The following MMS22L variants were observed in gnomAD, a reference collection of about 807,000 sequenced individuals.
The protein encoded by MMS22L is protein MMS22-like.
In MMS22L, 74 loss-of-function variants were observed where a neutral mutation model predicts 159.1. That is an observed-to-expected ratio of 0.47 (90% confidence interval 0.39 to 0.56). The LOEUF is 0.56. MMS22L is among the 20% of genes least tolerant of loss of function. The pLI is 0.00. For missense variants in MMS22L, 1,351 were observed against 1,422.1 expected (o/e 0.95, Z 0.80); for synonymous variants, 517 against 506.9 (o/e 1.02, Z -0.27).
In MMS22L at chr6:97,204,590, G is replaced by A. The variant is rs540287878; in HGVS notation, c.2040-17900C>T. On this transcript the variant is annotated intron_variant, in intron 14 of 24. Transcript: ENST00000683635. ...GAGGATCACTTGAGCCCAGGAGTTCGAGACTAGCCTGGGCAATAAGTGAGA... is the reference window on the plus strand; with the variant it reads ...GAGGATCACTTGAGCCCAGGAGTTCAAGACTAGCCTGGGCAATAAGTGAGA... 2.2e-4 allele frequency among the ~76,000 whole-genome samples: 33 copies of A among 152,132 alleles called. 1 individual carries two copies. In the South Asian group the frequency reaches 5.0e-3, roughly 23 times the overall value.
chr6:97,224,459 G>A lies in MMS22L; in HGVS notation c.2039+4435C>T, dbSNP rs377613921. Among the ~76,000 whole-genome samples, 138 of 151,660 alleles carry A rather than the reference G, an allele frequency of 9.1e-4. 7 individuals carry two copies. The South Asian group carries it at 0.028, about 31-fold the overall frequency. ...TTTATTGCAAGAAGTGAAATTTAGA[G>A]GGTTGGAATAGTACTAAAAAAATCA... On this transcript the variant is annotated intron_variant, in intron 14 of 24. Coordinates refer to ENST00000683635, the MANE Select transcript of MMS22L (RefSeq NM_001350599.2).
rs1437639377 is a variant in MMS22L, at chr6:97,145,794, G to A, written c.*1012C>T. The stretch of plus-strand genomic sequence containing the variant: ...GCAAAGCTGAGTTTGAGACCCAGGT[G>A]GGTTCCCAAAACTAGGACTGGAGCT... On this transcript the variant is annotated 3_prime_UTR_variant, in exon 25 of 25. Coordinates refer to ENST00000683635, the MANE Select transcript of MMS22L (RefSeq NM_001350599.2). 6.6e-6 allele frequency: 1 copy of A among 152,116 alleles called. No individual in the cohort carries two copies. The highest frequency in any genetic ancestry group is 2.1e-4 in the South Asian group (1 of 4,838). 9.4% of individuals were successfully genotyped at this position (152,116 alleles called of 1,614,324 possible). A position where few individuals can be genotyped will look rare whatever the true frequency, so the allele number is the denominator to read the frequency against.
intron 11 of MMS22L, among the ~76,000 whole-genome samples, chr6:97,246,376 A>C (rs1324159755): frequency 6.6e-6 from 1 of 152,226 alleles, no homozygotes; most frequent in Non-Finnish European, 1.5e-5. Context: ...ACAGTTCTGA[A>C]GCATCTACCA....
chr6:97,204,027 T>C (rs1807475678), intron 14 of MMS22L, among the ~76,000 whole-genome samples: 1 of 152,192 alleles, frequency 6.6e-6, no homozygotes. Context: ...ATACTTTCCA[T>C]GTTCAATGAC....
chr6:97,228,079 A>T (rs1405533186), intron 14 of MMS22L, among the ~76,000 whole-genome samples: 1 of 152,232 alleles, frequency 6.6e-6, no homozygotes, highest in Non-Finnish European at 1.5e-5. Flanking sequence ...AAATTTAAAG[A>T]AAGTCACTTT....
rs80165687 is a variant in MMS22L at position 97,144,716 on chromosome 6, G to C, written c.*2090C>G. 1 of 151,856 alleles carries C rather than the reference G, an allele frequency of 6.6e-6. No homozygotes were observed. Among genetic ancestry groups the C allele is most frequent in the East Asian group, 1.9e-4 (1 of 5,174 alleles). 9.4% of individuals were successfully genotyped at this position (151,856 alleles called of 1,614,324 possible). A position where few individuals can be genotyped will look rare whatever the true frequency, so the allele number is the denominator to read the frequency against. On this transcript the variant is annotated 3_prime_UTR_variant, in exon 25 of 25. Transcript: ENST00000683635. Reference sequence around the variant, plus strand: ...AAAGAGGGCAAGATTGTAGTAATAAGTGAAGGATCAGTGAAGATTTTAAAA... The same window carrying C: ...AAAGAGGGCAAGATTGTAGTAATAACTGAAGGATCAGTGAAGATTTTAAAA...
chr6:97,241,037 A>G (rs1412413270), intron 11 of MMS22L, among the ~76,000 whole-genome samples: 1 of 152,156 alleles, frequency 6.6e-6, no homozygotes, highest in Admixed American at 6.5e-5. Context: ...GCTTACCTCC[A>G]AGTTAAAAAC....
chr6:97,241,827 G>T (rs970955650), intron 11 of MMS22L, among the ~76,000 whole-genome samples: 3 of 152,078 alleles, frequency 2.0e-5, no homozygotes, highest in African/African-American at 7.2e-5. Flanking sequence ...CAGTTCAAAG[G>T]ATTTTTAAAT....
At chr6:97,259,342 T>G (rs1814189725) in intron 9 of MMS22L, 2 of 152,114 alleles carry the variant, frequency 1.3e-5, no homozygotes, top group Non-Finnish European at 2.9e-5. Context: ...TTATTCTGAG[T>G]GTGTCTATAA....
chr6:97,172,569 T>C (rs899896414), intron 19 of MMS22L, among the ~76,000 whole-genome samples: 4 of 152,174 alleles, frequency 2.6e-5, no homozygotes, highest in African/African-American at 9.6e-5. Context: ...AGAACGGGCA[T>C]AGAAAATGAT....
chr6:97,166,258 TA>T, intron 20 of MMS22L, among the ~76,000 whole-genome samples: 1 of 152,276 alleles, frequency 6.6e-6, no homozygotes, highest in South Asian at 2.1e-4. Context: ...CTAGTATTAG[TA>T]AATATTAAAT....
intron 14 of MMS22L, among the ~76,000 whole-genome samples, chr6:97,190,708 G>C (rs1244447364): frequency 6.6e-6 from 1 of 152,098 alleles, no homozygotes; most frequent in Non-Finnish European, 1.5e-5. Context: ...GAGACAAAAG[G>C]AGTAATTATG....
intron 19 of MMS22L, among the ~76,000 whole-genome samples, chr6:97,171,618 T>A (rs1326296446): frequency 6.6e-6 from 1 of 152,234 alleles, no homozygotes; most frequent in Non-Finnish European, 1.5e-5. Context: ...AGATCACAGA[T>A]GCCTTCTCCT....
chr6:97,248,527 T>A (rs1812904801), intron 10 of MMS22L, among the ~76,000 whole-genome samples: 1 of 152,180 alleles, frequency 6.6e-6, no homozygotes, highest in Non-Finnish European at 1.5e-5. Context: ...CAAAAAAGCA[T>A]TTATTGGGAG....
chr6:97,194,832 G>A (rs1365600559), intron 14 of MMS22L, among the ~76,000 whole-genome samples: 1 of 152,096 alleles, frequency 6.6e-6, no homozygotes, highest in Non-Finnish European at 1.5e-5. Context: ...TGAAAAGGAG[G>A]AAAGTAAAAA....
rs1444401674 is a variant in MMS22L at position 97,181,256 on chromosome 6, G to A, written c.2384+648C>T. Reference sequence around the variant, plus strand: ...TAAAAAGAGGACTAAGACCTCTTAGGCTTGTATATTTATTTTATTTTCTCT... The same window carrying A: ...TAAAAAGAGGACTAAGACCTCTTAGACTTGTATATTTATTTTATTTTCTCT... On this transcript the variant is annotated intron_variant, in intron 16 of 24. Transcript: ENST00000683635. 3.9e-5 allele frequency among the ~76,000 whole-genome samples: 6 copies of A among 152,248 alleles called. No homozygotes were observed. In the East Asian group the frequency reaches 9.7e-4, roughly 25 times the overall value.
At chr6:97,230,835 C>T (rs187702493) in intron 13 of MMS22L, 4 of 152,658 alleles carry the variant, frequency 2.6e-5, no homozygotes, top group South Asian at 2.1e-4. Context: ...GGGACTCAAA[C>T]AGGAATTTCA....
At chr6:97,170,869 T>C (rs1803473347) in intron 19 of MMS22L, among the ~76,000 whole-genome samples, 2 of 151,988 alleles carry the variant, frequency 1.3e-5, no homozygotes, top group African/African-American at 4.8e-5. Context: ...TAACCAGGCA[T>C]GGTGGTGCAC....
At chr6:97,231,849 C>T (rs1230911634) in intron 12 of MMS22L, among the ~76,000 whole-genome samples, 197 bp from the exon 13 acceptor site, 1 of 152,046 alleles carries the variant, frequency 6.6e-6, no homozygotes, top group Non-Finnish European at 1.5e-5. Flanking sequence ...TTTGGATTGT[C>T]CCCCAAATGT....
Sources: gnomAD v4.1 joint callset for allele counts (sites outside exome capture counted in the v4.1 genomes callset) on GRCh38, gnomAD v4.1.1 for gene constraint, MANE v1.5 for transcripts, NCBI Gene and HGNC (gene_info 2026-07-23, HGNC 2026-07-21) for gene names.